Variants in NYAP2 observed in about 807,000 individuals in gnomAD.
The protein encoded by NYAP2 is neuronal tyrosine-phosphorylated phosphoinositide-3-kinase adaptor 2, also known as neuronal tyrosine-phosphorylated phosphoinositide-3-kinase adapter 2.
Under a neutral mutation model 50.4 loss-of-function variants are expected in NYAP2, and 23 were observed. That is an observed-to-expected ratio of 0.46 (90% CI 0.33 to 0.65). The LOEUF is 0.65. Ranked by LOEUF, NYAP2 falls within the 30% of genes least tolerant of loss-of-function variation. The pLI, the probability that NYAP2 is intolerant of heterozygous loss-of-function variation, is 0.02. For missense variants in NYAP2, 885 were observed against 861.0 expected, an observed-to-expected ratio of 1.03 and a Z score of -0.35; for synonymous variants, 394 against 365.2, an observed-to-expected ratio of 1.08 and a Z score of -0.90.
At chr2:225,591,533 T>C (rs1692504929) in intron 5 of NYAP2, among the ~76,000 whole-genome samples, 1 of 152,122 alleles carries the variant, frequency 6.6e-6, no homozygotes, top group Non-Finnish European at 1.5e-5. Flanking sequence ...TAGTGGCATA[T>C]ACTTAACCTT....
chr2:225,554,073 T>A (rs1399994405), intron 4 of NYAP2, among the ~76,000 whole-genome samples: 1 of 152,182 alleles, frequency 6.6e-6, no homozygotes, highest in African/African-American at 2.4e-5. Context: ...AGATATTTAG[T>A]TAACCCATAA....
At chr2:225,440,581 A>G (rs1447327943) in intron 3 of NYAP2, among the ~76,000 whole-genome samples, 1 of 152,200 alleles carries the variant, frequency 6.6e-6, no homozygotes, top group African/African-American at 2.4e-5. Flanking sequence ...GAGAGGGCAG[A>G]GTAAAAAGAC....
At chr2:225,599,534 T>C (rs1422476251) in intron 5 of NYAP2, among the ~76,000 whole-genome samples, 5 of 152,224 alleles carry the variant, frequency 3.3e-5, no homozygotes, top group African/African-American at 1.2e-4. Flanking sequence ...AGGGTCCTAC[T>C]AAGAGCAGCA....
rs563133861 is a variant in NYAP2, at chr2:225,408,855, A to AC, written c.-17-6dup. 7.4e-6 allele frequency: 11 copies of AC among 1,494,138 alleles called. No individual in the cohort carries two copies. The South Asian group carries it at 1.3e-4, about 17-fold the overall frequency. The allele number at this position is 1,494,138 out of a possible 1,614,324, so 92.6% of individuals were successfully genotyped here. The stretch of plus-strand genomic sequence containing the variant: ...CTGGATAAAAGTAAAATGTGTTCTC[A>AC]CCCTGCAGGCAGTGTTCCTCTTTAC... On this transcript the variant is annotated splice_polypyrimidine_tract_variant and intron_variant, in intron 2 of 6. Coordinates refer to ENST00000636099, the Ensembl canonical transcript of NYAP2.
At chr2:225,521,821 A>G (rs534052101) in intron 4 of NYAP2, among the ~76,000 whole-genome samples, 11 of 152,050 alleles carry the variant, frequency 7.2e-5, no homozygotes, top group South Asian at 2.1e-4. Flanking sequence ...CTCTTTTTCT[A>G]TTGATTGGAA....
At chr2:225,593,872 A>G (rs1221650320) in intron 5 of NYAP2, among the ~76,000 whole-genome samples, 1 of 152,272 alleles carries the variant, frequency 6.6e-6, no homozygotes, top group Non-Finnish European at 1.5e-5. Context: ...TTTGACTTAG[A>G]ATATTCCACA....
the NYAP2 span, among the ~76,000 whole-genome samples, chr2:225,663,005 A>C: frequency 6.6e-6 from 1 of 152,224 alleles, no homozygotes; most frequent in Non-Finnish European, 1.5e-5. Context: ...ACAAAAGCAC[A>C]CTTTAGACCA....
chr2:225,526,651 T>C (rs1691157552), intron 4 of NYAP2, among the ~76,000 whole-genome samples: 1 of 152,202 alleles, frequency 6.6e-6, no homozygotes, highest in Non-Finnish European at 1.5e-5. Flanking sequence ...CAACTTGCCT[T>C]GTTAATGCCT....
intron 6 of NYAP2, among the ~76,000 whole-genome samples, chr2:225,651,190 T>C (rs1273210962): frequency 6.6e-6 from 1 of 152,198 alleles, no homozygotes; most frequent in African/African-American, 2.4e-5. Flanking sequence ...TGAGGTAAAA[T>C]GTGCAAAGGC....
At chr2:225,411,310 T>C (rs1245797721) in intron 3 of NYAP2, among the ~76,000 whole-genome samples, 1 of 152,130 alleles carries the variant, frequency 6.6e-6, no homozygotes, top group Non-Finnish European at 1.5e-5. Flanking sequence ...GTTTGTTCTG[T>C]TGTTGTTTTC....
rs1559200506 is a variant in NYAP2, at chr2:225,512,830, TC to T, written c.222-540del. Among the ~76,000 whole-genome samples the T allele has an allele frequency of 1.3e-3, 109 of 86,756 alleles. 4 individuals are homozygous for T. The highest frequency in any genetic ancestry group is 6.4e-3 in the East Asian group (16 of 2,504). 56.9% of individuals were successfully genotyped at this position (86,756 alleles called of 152,430 possible). A position where few individuals can be genotyped will look rare whatever the true frequency, so the allele number is the denominator to read the frequency against. Reference sequence around the variant, plus strand: ...TTTCTTTTCTTTCTTTCTCTCTCTCTCTCTCTCTTTCTTTCTTTCTTTCTTC... The same window carrying T: ...TTTCTTTTCTTTCTTTCTCTCTCTCTTCTCTCTTTCTTTCTTTCTTTCTTC... On this transcript the variant is annotated intron_variant, in intron 3 of 6. Coordinates refer to ENST00000636099, the Ensembl canonical transcript of NYAP2.
chr2:225,630,312 G>GT (rs1417637215), intron 6 of NYAP2, among the ~76,000 whole-genome samples: 1 of 152,222 alleles, frequency 6.6e-6, no homozygotes, highest in African/African-American at 2.4e-5. Context: ...CTCCGAGGTA[G>GT]GCAGTTCCAG....
intron 4 of NYAP2, among the ~76,000 whole-genome samples, chr2:225,529,030 A>G (rs540696545): frequency 1.1e-4 from 16 of 152,356 alleles, no homozygotes; most frequent in African/African-American, 3.8e-4. Flanking sequence ...TCAAACCTAT[A>G]TAAAGATTGA....
chr2:225,584,869 A>T (rs1692362499), intron 5 of NYAP2, among the ~76,000 whole-genome samples: 1 of 152,256 alleles, frequency 6.6e-6, no homozygotes, highest in South Asian at 2.1e-4. Flanking sequence ...TGAATTTAAA[A>T]CTAGGAACAA....
chr2:225,614,153 A>C (rs530232573), intron 5 of NYAP2, among the ~76,000 whole-genome samples: 2 of 152,190 alleles, frequency 1.3e-5, no homozygotes, highest in African/African-American at 2.4e-5. Flanking sequence ...ACTACAGATC[A>C]TCTCAACCCC....
intron 4 of NYAP2, among the ~76,000 whole-genome samples, chr2:225,546,105 A>G (rs1053251297): frequency 5.3e-5 from 8 of 152,154 alleles, no homozygotes; most frequent in African/African-American, 1.7e-4. Flanking sequence ...TGTGGCCACC[A>G]CCGCTGGGAC....
intron 5 of NYAP2, among the ~76,000 whole-genome samples, chr2:225,606,787 G>A (rs1692794623): frequency 6.6e-6 from 1 of 151,972 alleles, no homozygotes; most frequent in African/African-American, 2.4e-5. Context: ...AAATTCTCTT[G>A]AATATCTCAT....
chr2:225,570,256 C>T (rs1271249343), intron 4 of NYAP2, among the ~76,000 whole-genome samples: 1 of 152,128 alleles, frequency 6.6e-6, no homozygotes, highest in Non-Finnish European at 1.5e-5. Context: ...CAGGTTTGGC[C>T]ACAATCTACA....
At chr2:225,442,277 C>T (rs1517500) in intron 3 of NYAP2, among the ~76,000 whole-genome samples, 129,713 of 152,200 alleles carry the variant, frequency 0.85, 55,880 homozygotes, top group African/African-American at 0.96. Flanking sequence ...TGTTTAAGCA[C>T]TGGAGAAGGA....
Sources: allele counts gnomAD v4.1 joint callset (sites outside exome capture counted in the v4.1 genomes callset), GRCh38; gene constraint gnomAD v4.1.1; transcripts MANE v1.5; gene names NCBI Gene and HGNC (gene_info 2026-07-23, HGNC 2026-07-21).